Variants in PRELID3B observed in about 807,000 individuals in gnomAD.
The protein encoded by PRELID3B is PRELI domain containing protein 3B.
PRELID3B carries 15 observed loss-of-function variants against 24.0 expected under a neutral mutation model. The observed-to-expected ratio is 0.63, with a 90% CI of 0.42 to 0.96. The LOEUF (loss-of-function observed/expected upper bound fraction) is 0.96, where lower values mean the gene tolerates loss of function less well. Among genes scored for constraint, PRELID3B ranks in the 40% least tolerant of loss-of-function variants. PRELID3B has a pLI of 0.00. For synonymous variants in PRELID3B, 62 were observed against 76.0 expected (o/e 0.82, Z 0.96); for missense variants, 189 against 236.0 (o/e 0.80, Z 1.30).
chr20:59,036,074 T>TGGGGGAGAC (rs11474519), intron 5 of PRELID3B, among the ~76,000 whole-genome samples: 17,692 of 151,990 alleles, frequency 0.12, 1,309 homozygotes, highest in East Asian at 0.35. Flanking sequence ...AAACGAGTTG[T>TGGGGGAGAC]GGGGGAGACA....
Position 59,034,964 on chromosome 20 carries a change from GGA to G in PRELID3B, c.*41_*42del, listed in dbSNP as rs759264645. ...TAACAAATAAATATATAGTCAGTTT[GGA>G]GAGACCTGGAGTACCCGATGTTGTC... On this transcript the variant is annotated 3_prime_UTR_variant, in exon 6 of 6. Coordinates refer to ENST00000355937, the MANE Select transcript of PRELID3B (RefSeq NM_016045.3). 1 of 1,527,628 alleles carries G rather than the reference GGA, an allele frequency of 6.5e-7. No individual in the cohort carries two copies. The highest frequency in any genetic ancestry group is 8.8e-7 in the Non-Finnish European group (1 of 1,135,316). The allele number at this position is 1,527,628 out of a possible 1,614,324, so 94.6% of individuals were successfully genotyped here.
intron 1 of PRELID3B, 127 bp downstream of exon 1, chr20:59,042,572 G>A (rs374008461): frequency 1.2e-5 from 13 of 1,055,378 alleles, no homozygotes; most frequent in Middle Eastern, 2.4e-4. Flanking sequence ...GGGCCCGCAG[G>A]CTTCAGAGTT....
At position 59,040,822 on chromosome 20, in the gene PRELID3B, A is replaced by T. The variant is rs899606432; in HGVS notation, c.32+1877T>A. Among the ~76,000 whole-genome samples, 1 of 152,204 alleles carries T rather than the reference A, an allele frequency of 6.6e-6. No individual in the cohort carries two copies. Among genetic ancestry groups the T allele is most frequent in the Admixed American group, 6.5e-5 (1 of 15,288 alleles). ...CAAGGTACAGATCTGGGTGCCATAA[A>T]TGTATACCTATCATTTGGGACTTTG... On this transcript the variant is annotated intron_variant, in intron 1 of 5. Coordinates refer to ENST00000355937, the MANE Select transcript of PRELID3B (RefSeq NM_016045.3). The surrounding 1 kb of genome is among the most constrained non-coding windows in gnomAD (Gnocchi z 4.1).
rs377376798 is a variant in PRELID3B, at chr20:59,036,542, C to T, written c.394G>A (p.Val132Met). Reference protein sequence around the residue: ...TVLTQEAIITVKGVSLSSYLE... With the variant: ...TVLTQEAIITMKGVSLSSYLE... ...TAACTGCTGAGGCTAACTCCTTTCA[C>T]GGTAATTATGGCTTCTTGTGTCAAA... is the stretch of plus-strand genomic sequence containing the variant. The change falls in exon 5 of 6, where the codon GTG becomes ATG. Residue 132 changes from valine (V) to methionine (M), a missense_variant. By Grantham distance (21) the Val-to-Met change is conservative. Coordinates refer to ENST00000355937, the MANE Select transcript of PRELID3B (RefSeq NM_016045.3). The T allele has an allele frequency of 5.0e-5, 80 of 1,614,030 alleles. No homozygotes were observed. Among genetic ancestry groups the T allele is most frequent in the East Asian group, 6.7e-5 (3 of 44,898 alleles).
chr20:59,034,795 T>C lies in PRELID3B; in HGVS notation c.*212A>G. The C allele has an allele frequency of 4.9e-6, 2 of 410,484 alleles. No individual in the cohort carries two copies. Among genetic ancestry groups the C allele is most frequent in the Non-Finnish European group, 4.2e-6 (1 of 235,958 alleles). The allele number at this position is 410,484 out of a possible 1,614,324, so 25.4% of individuals were successfully genotyped here. A position where few individuals can be genotyped will look rare whatever the true frequency, so the allele number is the denominator to read the frequency against. ...AAATACTGGAACCCTCAAAATCAGA[T>C]AGTAATTTCAAACAACATTAATTTC... On this transcript the variant is annotated 3_prime_UTR_variant, in exon 6 of 6. Coordinates refer to ENST00000355937, the MANE Select transcript of PRELID3B (RefSeq NM_016045.3).
intron 1 of PRELID3B, among the ~76,000 whole-genome samples, chr20:59,041,916 T>G (rs1450799796): frequency 6.6e-6 from 1 of 152,218 alleles, no homozygotes; most frequent in Non-Finnish European, 1.5e-5. Context: ...TTGTGGCTCT[T>G]TTGTAAATGG....
At position 59,038,542 on chromosome 20, in the gene PRELID3B, T is replaced by C. The variant is rs2092089907; in HGVS notation, c.125A>G (p.His42Arg). The C allele has an allele frequency of 6.2e-7, 1 of 1,613,674 alleles. No individual in the cohort carries two copies. The highest frequency in any genetic ancestry group is 1.7e-5 in the Admixed American group (1 of 59,978). The change falls in exon 2 of 6, where the codon CAT becomes CGT. Residue 42 changes from histidine to arginine, a missense_variant. His to Arg is a conservative substitution (Grantham distance 29, BLOSUM62 0). Transcript: ENST00000355937. ...GTGCAACTTTCCAGAGGGATCTATA[T>C]GTCTGTCCAACACATCAACTCCAAC... ...SVVGVDVLDR[H>R]IDPSGKLHSH...
rs117448384 is a variant in PRELID3B at position 59,040,774 on chromosome 20, G to A, written c.32+1925C>T. ...TAACAGGCACCTGAAAATGAAAAGC[G>A]GAGCTCAAGAGAGGCTGGAGCTCAA... On this transcript the variant is annotated intron_variant, in intron 1 of 5. Transcript: ENST00000355937. This position sits in a 1 kb window ranked among gnomAD's most constrained non-coding sequence, Gnocchi z 4.1. 1.1e-3 allele frequency among the ~76,000 whole-genome samples: 161 copies of A among 152,278 alleles called. 1 individual carries two copies. The highest frequency in any genetic ancestry group is 2.5e-3 in the East Asian group (13 of 5,182).
intron 3 of PRELID3B, 38 bp downstream of exon 3, chr20:59,037,153 G>T: frequency 1.4e-6 from 2 of 1,478,532 alleles, no homozygotes; most frequent in South Asian, 1.1e-5. Flanking sequence ...AACTCAGCCA[G>T]ACAGTTCGAA....
At position 59,042,745 on chromosome 20, in the gene PRELID3B, GA is replaced by G; in HGVS notation, c.-16del. 6.2e-7 allele frequency: 1 copy of G among 1,600,300 alleles called. No individual in the cohort carries two copies. The stretch of plus-strand genomic sequence containing the variant: ...CAGATCTTCATGGTGCCGGCACCCT[GA>G]GAGATGTCCGGGTAGCGCCAGGGGA... On this transcript the variant is annotated 5_prime_UTR_variant, in exon 1 of 6. Transcript: ENST00000355937.
In PRELID3B at chr20:59,034,046, G is replaced by C. The variant is rs1310186823; in HGVS notation, c.*961C>G. On this transcript the variant is annotated 3_prime_UTR_variant, in exon 6 of 6. Transcript: ENST00000355937. ...ACCTGGGATTTATGCCTCAGAGCAA[G>C]ACATCATTTGAGTAATTTCAAATGA... 1 of 152,158 alleles carries C rather than the reference G, an allele frequency of 6.6e-6. No homozygotes were observed. The highest frequency in any genetic ancestry group is 1.5e-5 in the Non-Finnish European group (1 of 68,038). 9.4% of individuals were successfully genotyped at this position (152,158 alleles called of 1,614,324 possible). A position where few individuals can be genotyped will look rare whatever the true frequency, so the allele number is the denominator to read the frequency against.
In PRELID3B at chr20:59,034,540, A is replaced by G. The variant is rs2092056254; in HGVS notation, c.*467T>C. On this transcript the variant is annotated 3_prime_UTR_variant, in exon 6 of 6. Coordinates refer to ENST00000355937, the MANE Select transcript of PRELID3B (RefSeq NM_016045.3). ...ATAGCATAGTAAGGTATTTTACACA[A>G]AATATATTTTAAAACTACACAATTT... 6.5e-6 allele frequency: 1 copy of G among 152,932 alleles called. No individual in the cohort carries two copies. Among genetic ancestry groups the G allele is most frequent in the Non-Finnish European group, 1.5e-5 (1 of 68,306 alleles). The allele number at this position is 152,932 out of a possible 1,614,324, so 9.5% of individuals were successfully genotyped here.
At chr20:59,036,291 G>A (rs2092071596) in intron 5 of PRELID3B, among the ~76,000 whole-genome samples, 180 bp downstream of exon 5, 1 of 152,178 alleles carries the variant, frequency 6.6e-6, no homozygotes, top group South Asian at 2.1e-4. Flanking sequence ...AGGTTAAAAG[G>A]CTAAAAGTTA....
rs34173406 is a variant in PRELID3B, at chr20:59,034,890, CAAAAA to C, written c.*112_*116del. ...GTCACATAGCCTTACACCAACTTAT[CAAAAA>C]AAAAAAAAAAAAAACTACCCAAAAT... On this transcript the variant is annotated 3_prime_UTR_variant, in exon 6 of 6. Coordinates refer to ENST00000355937, the MANE Select transcript of PRELID3B (RefSeq NM_016045.3). 1,556 of 667,288 alleles carry C rather than the reference CAAAAA, an allele frequency of 2.3e-3. No individual in the cohort carries two copies. The highest frequency in any genetic ancestry group is 2.5e-3 in the Non-Finnish European group (1,231 of 488,630). 41.3% of individuals were successfully genotyped at this position (667,288 alleles called of 1,614,324 possible).
chr20:59,039,719 G>C (rs2092098180), intron 1 of PRELID3B, among the ~76,000 whole-genome samples: 1 of 152,192 alleles, frequency 6.6e-6, no homozygotes, highest in Admixed American at 6.5e-5. Context: ...CAACCTTTTA[G>C]AGAACTCAGA....
Position 59,034,800 on chromosome 20 carries a change from A to T in PRELID3B, c.*207T>A. 1 of 418,270 alleles carries T rather than the reference A, an allele frequency of 2.4e-6. No homozygotes were observed. The highest frequency in any genetic ancestry group is 3.7e-5 in the East Asian group (1 of 27,176). 25.9% of individuals were successfully genotyped at this position (418,270 alleles called of 1,614,324 possible). A position where few individuals can be genotyped will look rare whatever the true frequency, so the allele number is the denominator to read the frequency against. ...CTGGAACCCTCAAAATCAGATAGTA[A>T]TTTCAAACAACATTAATTTCAGATG... On this transcript the variant is annotated 3_prime_UTR_variant, in exon 6 of 6. Coordinates refer to ENST00000355937, the MANE Select transcript of PRELID3B (RefSeq NM_016045.3).
At chr20:59,039,042 T>C (rs1207623657) in intron 1 of PRELID3B, among the ~76,000 whole-genome samples, 1 of 152,246 alleles carries the variant, frequency 6.6e-6, no homozygotes, top group Non-Finnish European at 1.5e-5. Flanking sequence ...ACCCCAATTC[T>C]ATCAGTTTAT....
At chr20:59,035,289 T>A (rs1404892072) in intron 5 of PRELID3B, among the ~76,000 whole-genome samples, 163 bp from the exon 6 acceptor site, 1 of 152,236 alleles carries the variant, frequency 6.6e-6, no homozygotes, top group Non-Finnish European at 1.5e-5. Flanking sequence ...TTAGCAAACA[T>A]CAAATGCCTT....
At chr20:59,041,120 T>A (rs1168760264) in intron 1 of PRELID3B, among the ~76,000 whole-genome samples, 1 of 152,054 alleles carries the variant, frequency 6.6e-6, no homozygotes, top group African/African-American at 2.4e-5. Context: ...AAGACAGTTC[T>A]AGGGAGACTG....
Sources: gnomAD v4.1 joint callset for allele counts (sites outside exome capture counted in the v4.1 genomes callset) on GRCh38, gnomAD v4.1.1 for gene constraint, Gnocchi (gnomAD v3.1) non-coding constraint, MANE v1.5 for transcripts, NCBI Gene and HGNC (gene_info 2026-07-23, HGNC 2026-07-21) for gene names.